The following ZBTB7C variants were observed in gnomAD, a reference collection of about 807,000 sequenced individuals.
The protein encoded by ZBTB7C is zinc finger and BTB domain containing 7C, also known as zinc finger and BTB domain-containing protein 7C.
Under a neutral mutation model 25.7 loss-of-function variants are expected in ZBTB7C, and 8 were observed. That is an observed-to-expected ratio of 0.31 (90% CI 0.18 to 0.56). The LOEUF (loss-of-function observed/expected upper bound fraction) is 0.56. Among genes scored for constraint, ZBTB7C ranks in the 20% least tolerant of loss-of-function variants. The pLI, the probability that ZBTB7C is intolerant of heterozygous loss-of-function variation, is 0.91. For synonymous variants in ZBTB7C, 394 were observed against 369.0 expected, an observed-to-expected ratio of 1.07 and a Z score of -0.78; for missense variants, 824 against 855.2, an observed-to-expected ratio of 0.96 and a Z score of 0.46.
At chr18:48,164,433 T>C (rs2041173091) in intron 3 of ZBTB7C, among the ~76,000 whole-genome samples, 1 of 152,158 alleles carries the variant, frequency 6.6e-6, no homozygotes, top group Non-Finnish European at 1.5e-5. Flanking sequence ...TGTTAACCCA[T>C]ACACACAGTC....
At chr18:48,358,385 C>T (rs1365622349) in intron 1 of ZBTB7C, among the ~76,000 whole-genome samples, 1 of 152,046 alleles carries the variant, frequency 6.6e-6, no homozygotes, top group Non-Finnish European at 1.5e-5. Flanking sequence ...GACACCTCTG[C>T]CCTGTCTCTC....
In ZBTB7C at chr18:48,064,064, G is replaced by A. The variant is rs539216450; in HGVS notation, c.-16-22941C>T. 7.2e-5 allele frequency among the ~76,000 whole-genome samples: 11 copies of A among 152,268 alleles called. No individual in the cohort carries two copies. The South Asian group carries it at 2.3e-3, about 32-fold the overall frequency. ...TTTGAGCAATATGGCCATGAAGAAT[G>A]AGAAGGTGGCCCCAGTCTACTGGGA... On this transcript the variant is annotated intron_variant, in intron 3 of 4. Coordinates refer to ENST00000590800, the MANE Select transcript of ZBTB7C (RefSeq NM_001318841.2).
intron 2 of ZBTB7C, among the ~76,000 whole-genome samples, chr18:48,216,148 G>A (rs1296220444): frequency 6.6e-6 from 1 of 152,184 alleles, no homozygotes; most frequent in African/African-American, 2.4e-5. Context: ...AGTCAGTGGG[G>A]GACTTAGAAT....
chr18:48,211,597 T>C (rs944303828), intron 2 of ZBTB7C, among the ~76,000 whole-genome samples: 4 of 152,166 alleles, frequency 2.6e-5, no homozygotes, highest in Admixed American at 2.0e-4. Flanking sequence ...AACATCAACA[T>C]CATATGTCAT....
chr18:48,158,549 T>G (rs1256400488), intron 3 of ZBTB7C, among the ~76,000 whole-genome samples: 1 of 152,088 alleles, frequency 6.6e-6, no homozygotes, highest in African/African-American at 2.4e-5. Flanking sequence ...TTGAAAGACC[T>G]TTTTGGCTCT....
chr18:48,381,463 T>C (rs1309222533), intron 1 of ZBTB7C, among the ~76,000 whole-genome samples: 3 of 152,248 alleles, frequency 2.0e-5, no homozygotes, highest in Non-Finnish European at 2.9e-5. Context: ...GCAAATAAAA[T>C]AATGTAATAA....
intron 4 of ZBTB7C, among the ~76,000 whole-genome samples, chr18:48,031,708 G>C (rs1008663356): frequency 1.3e-5 from 2 of 152,318 alleles, no homozygotes; most frequent in South Asian, 2.1e-4. Context: ...CCACATGCTG[G>C]TGGTGGTGGT....
At chr18:48,393,535 A>C (rs1261577769) in intron 1 of ZBTB7C, among the ~76,000 whole-genome samples, 1 of 152,130 alleles carries the variant, frequency 6.6e-6, no homozygotes, top group Non-Finnish European at 1.5e-5. Flanking sequence ...AAAAATGTTA[A>C]AAGAATGTCT....
chr18:48,162,164 A>G (rs2041081298), intron 3 of ZBTB7C, among the ~76,000 whole-genome samples: 1 of 149,992 alleles, frequency 6.7e-6, no homozygotes, highest in Admixed American at 6.6e-5. Context: ...AGCTGGGTGG[A>G]GGGCAGTGCC....
At chr18:48,176,074 GA>G (rs903737780) in intron 3 of ZBTB7C, among the ~76,000 whole-genome samples, 1 of 151,408 alleles carries the variant, frequency 6.6e-6, no homozygotes, top group Non-Finnish European at 1.5e-5. Context: ...TTCCAAGGGA[GA>G]AAAAAAAATC....
chr18:48,332,074 C>A (rs574488858), intron 2 of ZBTB7C, among the ~76,000 whole-genome samples: 1 of 152,306 alleles, frequency 6.6e-6, no homozygotes, highest in East Asian at 1.9e-4. Flanking sequence ...ACCCAATTCT[C>A]TCCAATATAT....
At chr18:48,288,995 A>G (rs1039859900) in intron 2 of ZBTB7C, among the ~76,000 whole-genome samples, 4 of 152,256 alleles carry the variant, frequency 2.6e-5, no homozygotes, top group African/African-American at 9.6e-5. Context: ...AGAAGAATAT[A>G]CATTTATTGA....
At chr18:48,180,600 G>C (rs531145708) in intron 3 of ZBTB7C, 5 of 314,798 alleles carry the variant, frequency 1.6e-5, no homozygotes, top group African/African-American at 4.4e-5. Context: ...AGGGTGATGG[G>C]GGGGTGGGCC....
At chr18:48,223,876 A>G (rs966945951) in intron 2 of ZBTB7C, among the ~76,000 whole-genome samples, 1 of 152,232 alleles carries the variant, frequency 6.6e-6, no homozygotes, top group East Asian at 1.9e-4. Flanking sequence ...GACTTACTTA[A>G]CTGAAAAATT....
chr18:48,054,393 G>T (rs9947712), intron 3 of ZBTB7C, among the ~76,000 whole-genome samples: 5 of 152,134 alleles, frequency 3.3e-5, no homozygotes, highest in African/African-American at 1.2e-4. Context: ...GGATCTGGCC[G>T]GGGAGGAGCT....
intron 3 of ZBTB7C, among the ~76,000 whole-genome samples, chr18:48,071,491 C>A (rs540041776): frequency 6.6e-6 from 1 of 152,164 alleles, no homozygotes; most frequent in Non-Finnish European, 1.5e-5. Context: ...AACTAAATAA[C>A]AAGTGTTGGT....
intron 4 of ZBTB7C, among the ~76,000 whole-genome samples, chr18:48,033,184 G>A (rs1199427511): frequency 3.3e-5 from 5 of 152,208 alleles, no homozygotes; most frequent in East Asian, 1.9e-4. Context: ...CTGGGTTTGC[G>A]TGAGCTAGAT....
chr18:48,037,802 G>A (rs1352606263), intron 4 of ZBTB7C, among the ~76,000 whole-genome samples: 1 of 152,212 alleles, frequency 6.6e-6, no homozygotes, highest in Non-Finnish European at 1.5e-5. Context: ...AGCCTGCGTT[G>A]GCAGGAGAGG....
chr18:48,076,666 G>A (rs568181782), intron 3 of ZBTB7C, among the ~76,000 whole-genome samples: 1 of 152,184 alleles, frequency 6.6e-6, no homozygotes, highest in Non-Finnish European at 1.5e-5. Flanking sequence ...AGGGTGAGGG[G>A]CTCTGGGCTT....
Sources: allele counts gnomAD v4.1 joint callset (sites outside exome capture counted in the v4.1 genomes callset), GRCh38; gene constraint gnomAD v4.1.1; transcripts MANE v1.5; gene names NCBI Gene and HGNC (gene_info 2026-07-23, HGNC 2026-07-21).